ACACA: variants seen among roughly 807,000 people sequenced by gnomAD.
ACACA encodes the protein acetyl-CoA carboxylase 1.
In ACACA, 103 loss-of-function variants were observed where a neutral mutation model predicts 296.1. The observed-to-expected ratio is 0.35, with a 90% confidence interval of 0.30 to 0.41. ACACA has a LOEUF of 0.41. Among genes scored for constraint, ACACA ranks in the 10% least tolerant of loss-of-function variants. The probability of loss-of-function intolerance (pLI) is 1.00; values close to 1 mark genes in which losing one functional copy is unlikely to be tolerated. For synonymous variants in ACACA, 953 were observed against 1,038.6 expected, an observed-to-expected ratio of 0.92 and a Z score of 1.58; for missense variants, 1,554 against 2,989.7, an observed-to-expected ratio of 0.52 and a Z score of 11.20.
intron 52 of ACACA, among the ~76,000 whole-genome samples, chr17:37,106,306 A>G (rs1337440121): frequency 1.3e-5 from 2 of 152,218 alleles, no homozygotes; most frequent in Non-Finnish European, 2.9e-5. Flanking sequence ...ATCCTTTGGT[A>G]AGGCAAATAA....
chr17:37,376,151 G>T (rs893595079), intron 1 of ACACA: 9 of 1,608,920 alleles, frequency 5.6e-6, no homozygotes, highest in Admixed American at 3.3e-5. Context: ...AACAAGAAAG[G>T]TATGTAATTC....
At chr17:37,329,639 T>TCA (rs2047775197) in intron 3 of ACACA, among the ~76,000 whole-genome samples, 2 of 92,216 alleles carry the variant, frequency 2.2e-5, no homozygotes, top group African/African-American at 1.4e-4. Context: ...AGACTCTATC[T>TCA]CAAAAAAAAA....
intron 1 of ACACA, chr17:37,359,121 G>A: frequency 1.0e-6 from 1 of 985,508 alleles, no homozygotes; most frequent in Non-Finnish European, 1.2e-6. Context: ...AGGCCGGCCC[G>A]GCACACGGAG....
Position 37,258,298 on chromosome 17 carries a change from G to C in ACACA, c.1576C>G (p.Pro526Ala). The change falls in exon 13 of 56, where the codon CCC (proline) becomes GCC (alanine). Residue 526 changes from proline to alanine, a missense_variant. Pro to Ala is a conservative substitution (Grantham distance 27, BLOSUM62 -1). Around this residue, in one of 16 missense-constraint regions of ACACA, gnomAD observed 37 missense variants for 49.9 expected, o/e 0.74. Transcript: ENST00000616317. ...TGTGCAGAATCTTCAAAATCAATGG[G>C]AGAATCACCCCAGGGAGATACCCCA... ...MYGVSPWGDS[P>A]IDFEDSAHVP... 6.2e-7 allele frequency: 1 copy of C among 1,614,068 alleles called. No individual in the cohort carries two copies. The highest frequency in any genetic ancestry group is 8.5e-7 in the Non-Finnish European group (1 of 1,179,990).
At chr17:37,292,917 C>T (rs2083141084) in intron 3 of ACACA, among the ~76,000 whole-genome samples, 1 of 152,148 alleles carries the variant, frequency 6.6e-6, no homozygotes, top group South Asian at 2.1e-4. Flanking sequence ...TCAGTGCCGG[C>T]ACTACCCGTG....
intron 25 of ACACA, among the ~76,000 whole-genome samples, chr17:37,229,004 C>T (rs138935281): frequency 6.6e-6 from 1 of 151,634 alleles, no homozygotes; most frequent in Middle Eastern, 3.2e-3. Flanking sequence ...ATTAGCCGGG[C>T]GTGGTGGCGG....
At chr17:37,255,807 C>T (rs1294645734) in intron 14 of ACACA, among the ~76,000 whole-genome samples, 2 of 152,096 alleles carry the variant, frequency 1.3e-5, no homozygotes, top group South Asian at 2.1e-4. Context: ...AGTGCAATGG[C>T]GTGATCTTGG....
intron 2 of ACACA, among the ~76,000 whole-genome samples, chr17:37,331,110 T>TATTG (rs1422424994): frequency 6.6e-6 from 1 of 150,468 alleles, no homozygotes; most frequent in Non-Finnish European, 1.5e-5. Context: ...TTTATTTATT[T>TATTG]ATTTATTTAT....
At chr17:37,115,236 T>C (rs1393378916) in intron 50 of ACACA, among the ~76,000 whole-genome samples, 6 of 152,270 alleles carry the variant, frequency 3.9e-5, no homozygotes, top group African/African-American at 1.4e-4. Flanking sequence ...TTAAGTGCTT[T>C]ACGCTAATTC....
At chr17:37,262,943 C>T (rs957294497) in intron 11 of ACACA, among the ~76,000 whole-genome samples, 4 of 151,928 alleles carry the variant, frequency 2.6e-5, no homozygotes, top group Admixed American at 1.3e-4. Context: ...TTGCCCAGGC[C>T]GGTCTCGAAT....
At chr17:37,343,307 G>T (rs545715391) in intron 1 of ACACA, among the ~76,000 whole-genome samples, 11 of 152,036 alleles carry the variant, frequency 7.2e-5, no homozygotes, top group Admixed American at 7.2e-4. Flanking sequence ...AAATACAACA[G>T]ATTTTACCAA....
intron 29 of ACACA, among the ~76,000 whole-genome samples, chr17:37,214,363 T>C (rs1017146381): frequency 1.3e-5 from 2 of 152,208 alleles, no homozygotes; most frequent in African/African-American, 4.8e-5. Flanking sequence ...AAATGATCAT[T>C]ACTTCATTCA....
Position 37,210,188 on chromosome 17 carries a change from G to C in ACACA, c.3707+279C>G, listed in dbSNP as rs892186931. Among the ~76,000 whole-genome samples, 4 of 152,092 alleles carry C rather than the reference G, an allele frequency of 2.6e-5. No individual in the cohort carries two copies. In the East Asian group the frequency reaches 7.7e-4, roughly 29 times the overall value. ...AGCAAAAGAAGATGTTGCTAGCAAG[G>C]CCGGACATAAGGCAGATAAACCCCC... On this transcript the variant is annotated intron_variant, in intron 30 of 55. Transcript: ENST00000616317.
chr17:37,390,185 C>CAT, intron 1 of ACACA, among the ~76,000 whole-genome samples: 1 of 51,592 alleles, frequency 1.9e-5, no homozygotes, highest in Non-Finnish European at 3.2e-5. Context: ...TACACACACA[C>CAT]ATTATATATA....
At chr17:37,386,135 C>T (rs773779551) in intron 1 of ACACA, 1 of 1,504,716 alleles carries the variant, frequency 6.6e-7, no homozygotes, top group Admixed American at 1.9e-5. Context: ...GGTAATTTTT[C>T]TAGCTTTGAA....
intron 38 of ACACA, among the ~76,000 whole-genome samples, chr17:37,190,143 A>T (rs2077692828): frequency 6.6e-6 from 1 of 152,012 alleles, no homozygotes; most frequent in South Asian, 2.1e-4. Flanking sequence ...AAAGAGTTAG[A>T]AGGGGCCAGG....
rs117604145 is a variant in ACACA, at chr17:37,178,788, G to A, written c.5079+472C>T. On this transcript the variant is annotated intron_variant, in intron 41 of 55. Transcript: ENST00000616317. ...TGCACTCCAGCCTGTGTGACAGAGC[G>A]AGACACCATCTCAAAAAAAGAAAAA... is the stretch of plus-strand genomic sequence containing the variant. Among the ~76,000 whole-genome samples the A allele has an allele frequency of 1.7e-3, 262 of 152,050 alleles. 3 individuals are homozygous for A. The East Asian group carries it at 0.038, about 22-fold the overall frequency.
intron 45 of ACACA, among the ~76,000 whole-genome samples, chr17:37,131,144 A>C (rs1289841894): frequency 6.6e-6 from 1 of 151,952 alleles, no homozygotes; most frequent in Non-Finnish European, 1.5e-5. Context: ...CCCAGGCTCC[A>C]GGGAGTTCAG....
intron 2 of ACACA, among the ~76,000 whole-genome samples, chr17:37,331,071 C>A (rs1014056850): frequency 6.6e-6 from 1 of 151,478 alleles, no homozygotes; most frequent in Non-Finnish European, 1.5e-5. Flanking sequence ...CCACCATGCC[C>A]GGCTAATTCT....
Sources: gnomAD v4.1 joint callset for allele counts (sites outside exome capture counted in the v4.1 genomes callset) on GRCh38, gnomAD v4.1.1 for gene constraint, gnomAD v4.1.1 regional missense constraint, MANE v1.5 for transcripts, NCBI Gene and HGNC (gene_info 2026-07-23, HGNC 2026-07-21) for gene names.